KLHDC1: variants seen among roughly 807,000 people sequenced by gnomAD.
The protein encoded by KLHDC1 is kelch domain-containing protein 1.
A neutral mutation model predicts 68.3 loss-of-function variants in KLHDC1; 53 were observed. The observed-to-expected ratio is 0.78, with a 90% CI of 0.62 to 0.98. KLHDC1 has a LOEUF of 0.98. Ranked by LOEUF, KLHDC1 falls within the 50% of genes least tolerant of loss-of-function variation. The pLI is 0.00. For missense variants in KLHDC1, 470 were observed against 492.3 expected, an observed-to-expected ratio of 0.95 and a Z score of 0.43; for synonymous variants, 148 against 159.0, an observed-to-expected ratio of 0.93 and a Z score of 0.52.
Position 49,693,291 on chromosome 14 carries a change from G to A in KLHDC1, c.96+1G>A. On this transcript the variant is annotated splice_donor_variant, in intron 1 of 12. Coordinates refer to ENST00000359332, the MANE Select transcript of KLHDC1 (RefSeq NM_172193.3). LOFTEE classifies it high-confidence loss of function. ...CCTCTACGTGTGGGGGGGCTACGTGGTAAGGGGAAGAGGCGGGACGGGGTA... is the reference window on the plus strand; with the variant it reads ...CCTCTACGTGTGGGGGGGCTACGTGATAAGGGGAAGAGGCGGGACGGGGTA... The A allele has an allele frequency of 6.5e-7, 1 of 1,539,440 alleles. No individual in the cohort carries two copies. The highest frequency in any genetic ancestry group is 8.7e-7 in the Non-Finnish European group (1 of 1,144,058).
intron 10 of KLHDC1, among the ~76,000 whole-genome samples, chr14:49,734,894 T>G (rs185560043): frequency 2.6e-5 from 4 of 152,128 alleles, no homozygotes; most frequent in African/African-American, 9.6e-5. Context: ...GTTATTCTTT[T>G]AGGTAAATGC....
In KLHDC1 at chr14:49,704,387, G is replaced by GTTTTTTTTTTT. The variant is rs35067251; in HGVS notation, c.97-4758_97-4748dup. 1.9e-4 allele frequency among the ~76,000 whole-genome samples: 13 copies of GTTTTTTTTTTT among 68,688 alleles called. 1 individual carries two copies. Among genetic ancestry groups the GTTTTTTTTTTT allele is most frequent in the Admixed American group, 7.7e-4 (3 of 3,902 alleles). 45.1% of individuals were successfully genotyped at this position (68,688 alleles called of 152,430 possible). A position where few individuals can be genotyped will look rare whatever the true frequency, so the allele number is the denominator to read the frequency against. On this transcript the variant is annotated intron_variant, in intron 1 of 12. Coordinates refer to ENST00000359332, the MANE Select transcript of KLHDC1 (RefSeq NM_172193.3). ...GTCTTTTTATTTTTTTTCCTTTTCT[G>GTTTTTTTTTTT]TTTTTTTTTTTTTTTTTTTTTTTTG...
At chr14:49,711,860 A>G (rs568459483) in intron 4 of KLHDC1, among the ~76,000 whole-genome samples, 10 of 149,242 alleles carry the variant, frequency 6.7e-5, no homozygotes, top group African/African-American at 2.5e-4. Context: ...AGGGGACTAG[A>G]TAAGGTCTAT....
chr14:49,721,869 G>A (rs1383300870), intron 4 of KLHDC1, among the ~76,000 whole-genome samples: 1 of 152,152 alleles, frequency 6.6e-6, no homozygotes, highest in East Asian at 1.9e-4. Flanking sequence ...ACCTCTTTCA[G>A]CCTTGCATCT....
intron 10 of KLHDC1, among the ~76,000 whole-genome samples, chr14:49,738,596 C>T (rs936007321): frequency 6.6e-6 from 1 of 152,184 alleles, no homozygotes; most frequent in Non-Finnish European, 1.5e-5. Context: ...GATCTGCCCA[C>T]CTCAGCCTCC....
At chr14:49,713,850 AT>A (rs869250721) in intron 4 of KLHDC1, among the ~76,000 whole-genome samples, 61 of 50,214 alleles carry the variant, frequency 1.2e-3, no homozygotes, top group African/African-American at 5.0e-3. Flanking sequence ...ATATATATAT[AT>A]TTTTTTTTTT....
chr14:49,721,411 G>T (rs1888522032), intron 4 of KLHDC1, among the ~76,000 whole-genome samples: 1 of 151,780 alleles, frequency 6.6e-6, no homozygotes, highest in Admixed American at 6.6e-5. Flanking sequence ...TCAAACTCCT[G>T]CCCTCAAGCA....
At chr14:49,730,415 T>G (rs996004215) in intron 8 of KLHDC1, among the ~76,000 whole-genome samples, 2 of 151,880 alleles carry the variant, frequency 1.3e-5, no homozygotes, top group Admixed American at 6.6e-5. Flanking sequence ...AGAGACGAGA[T>G]TTCACCATGT....
chr14:49,708,883 C>A (rs567820915), intron 1 of KLHDC1: 1 of 197,040 alleles, frequency 5.1e-6, no homozygotes, highest in Non-Finnish European at 1.0e-5. Context: ...TTTTCTTTTA[C>A]ATAAAGCCCC....
chr14:49,719,339 C>T (rs1013525092), intron 4 of KLHDC1, among the ~76,000 whole-genome samples: 17 of 151,556 alleles, frequency 1.1e-4, no homozygotes, highest in African/African-American at 3.9e-4. Flanking sequence ...TTCTAATTTC[C>T]GTTATGATTT....
At chr14:49,704,979 G>C (rs1240337512) in intron 1 of KLHDC1, among the ~76,000 whole-genome samples, 1 of 152,130 alleles carries the variant, frequency 6.6e-6, no homozygotes, top group Non-Finnish European at 1.5e-5. Context: ...GTGAGGGTGG[G>C]TGTGATACAA....
At chr14:49,730,877 C>T (rs1000023923) in intron 8 of KLHDC1, among the ~76,000 whole-genome samples, 1 of 152,208 alleles carries the variant, frequency 6.6e-6, no homozygotes, top group Non-Finnish European at 1.5e-5. Context: ...GAGCCTGAGG[C>T]AGGAGAATCG....
At chr14:49,699,164 A>G (rs1471617000) in intron 1 of KLHDC1, among the ~76,000 whole-genome samples, 1 of 145,276 alleles carries the variant, frequency 6.9e-6, no homozygotes, top group Non-Finnish European at 1.5e-5. Flanking sequence ...ACTGTCTCAA[A>G]AAAAAAAAAA....
intron 1 of KLHDC1, among the ~76,000 whole-genome samples, chr14:49,703,226 C>T (rs1390644553): frequency 6.6e-6 from 1 of 151,986 alleles, no homozygotes; most frequent in Non-Finnish European, 1.5e-5. Flanking sequence ...CTCCCACTAC[C>T]CCCACTCATA....
At chr14:49,708,978 T>G (rs1416785033) in intron 1 of KLHDC1, among the ~76,000 whole-genome samples, 181 bp from the exon 2 acceptor site, 1 of 152,084 alleles carries the variant, frequency 6.6e-6, no homozygotes, top group Non-Finnish European at 1.5e-5. Context: ...GTTTTCCCAC[T>G]TTCTCTTAGA....
At position 49,725,843 on chromosome 14, in the gene KLHDC1, T is replaced by G. The variant is rs577276906; in HGVS notation, c.567+74T>G. 1.4e-4 allele frequency: 109 copies of G among 796,234 alleles called. No individual in the cohort carries two copies. The East Asian group carries it at 1.7e-3, about 13-fold the overall frequency. The allele number at this position is 796,234 out of a possible 1,614,324, so 49.3% of individuals were successfully genotyped here. On this transcript the variant is annotated intron_variant, in intron 6 of 12. Transcript: ENST00000359332. ...TTTTTTACTGTGGATTTTGGGTTTT[T>G]TTTTGTTTTGTTTTGTGTTTTTGAG...
intron 10 of KLHDC1, among the ~76,000 whole-genome samples, chr14:49,737,864 C>CAAAAAAAAAAAAA (rs760826908): frequency 2.0e-5 from 1 of 50,276 alleles, no homozygotes; most frequent in Non-Finnish European, 4.0e-5. Flanking sequence ...GATCCTGTCT[C>CAAAAAAAAAAAAA]AAAAAAAAAA....
intron 1 of KLHDC1, among the ~76,000 whole-genome samples, chr14:49,697,897 A>C (rs1887789100): frequency 6.6e-6 from 1 of 152,196 alleles, no homozygotes; most frequent in Non-Finnish European, 1.5e-5. Flanking sequence ...ACTTTAATGG[A>C]CATTTCACCT....
rs1213286881 is a variant in KLHDC1 at position 49,693,131 on chromosome 14, G to A, written c.-64G>A. On this transcript the variant is annotated 5_prime_UTR_variant, in exon 1 of 13. Coordinates refer to ENST00000359332, the MANE Select transcript of KLHDC1 (RefSeq NM_172193.3). Reference sequence around the variant, plus strand: ...TTCGTGCGTGGAGCAGTCGGGGCTGGAGGCGAGGCCGCCGGGCGGGCAGGG... The same window carrying A: ...TTCGTGCGTGGAGCAGTCGGGGCTGAAGGCGAGGCCGCCGGGCGGGCAGGG... 7.0e-7 allele frequency: 1 copy of A among 1,425,072 alleles called. No homozygotes were observed. The highest frequency in any genetic ancestry group is 9.6e-7 in the Non-Finnish European group (1 of 1,047,012). 88.3% of individuals were successfully genotyped at this position (1,425,072 alleles called of 1,614,324 possible). A position where few individuals can be genotyped will look rare whatever the true frequency, so the allele number is the denominator to read the frequency against.
Sources: allele counts gnomAD v4.1 joint callset (sites outside exome capture counted in the v4.1 genomes callset), GRCh38; gene constraint gnomAD v4.1.1; transcripts MANE v1.5; gene names NCBI Gene and HGNC (gene_info 2026-07-23, HGNC 2026-07-21).